The following LRRC1 variants were observed in gnomAD, a reference collection of about 807,000 sequenced individuals.
LRRC1 encodes the protein leucine rich repeat containing 1, also known as leucine-rich repeat-containing protein 1.
A neutral mutation model predicts 69.9 loss-of-function variants in LRRC1; 28 were observed. The observed-to-expected ratio is 0.40, with a 90% confidence interval of 0.30 to 0.55. LRRC1 has a LOEUF of 0.55. Among genes scored for constraint, LRRC1 ranks in the 20% least tolerant of loss-of-function variants. LRRC1 has a pLI of 0.47. For synonymous variants in LRRC1, 236 were observed against 240.2 expected (o/e 0.98, Z 0.16); for missense variants, 498 against 609.0 (o/e 0.82, Z 1.92).
At chr6:53,894,454 T>C (rs996870631) in intron 4 of LRRC1, among the ~76,000 whole-genome samples, 1 of 152,222 alleles carries the variant, frequency 6.6e-6, no homozygotes, top group Non-Finnish European at 1.5e-5. Context: ...ATGCTTTCAG[T>C]GATGCCCAGT....
chr6:53,870,374 A>G (rs1766842995), intron 2 of LRRC1, among the ~76,000 whole-genome samples: 2 of 152,176 alleles, frequency 1.3e-5, no homozygotes, highest in Admixed American at 1.3e-4. Flanking sequence ...TTTCGTTGAT[A>G]GAGTAGTAAG....
chr6:53,910,522 A>C (rs528315001), intron 10 of LRRC1, among the ~76,000 whole-genome samples: 1 of 152,318 alleles, frequency 6.6e-6, no homozygotes, highest in African/African-American at 2.4e-5. Context: ...TTCAGGAAAG[A>C]GACTGCCAGC....
intron 4 of LRRC1, among the ~76,000 whole-genome samples, chr6:53,894,709 T>G (rs1404944812): frequency 6.6e-6 from 1 of 152,220 alleles, no homozygotes; most frequent in Non-Finnish European, 1.5e-5. Context: ...TTTTTACTTT[T>G]CAAGTAAAAT....
Position 53,922,655 on chromosome 6 carries a change from C to G in LRRC1, c.1437C>G (p.Ala479=). ...TTTAGAGAACACTTCTAAGGCGAGC[C>G]ACTCCACACCCAGGGGAGTTAAAGC... ...DNETRTLLRR[A]TPHPGELKHM... The change falls in exon 14 of 14, where the codon GCC becomes GCG. Residue 479 remains alanine (A), a synonymous_variant. Coordinates refer to ENST00000370888, the MANE Select transcript of LRRC1 (RefSeq NM_018214.5). 1 of 1,613,774 alleles carries G rather than the reference C, an allele frequency of 6.2e-7. No individual in the cohort carries two copies. Among genetic ancestry groups the G allele is most frequent in the Non-Finnish European group, 8.5e-7 (1 of 1,179,796 alleles).
At chr6:53,897,454 G>A in intron 7 of LRRC1, 95 bp downstream of exon 7, 2 of 902,804 alleles carry the variant, frequency 2.2e-6, no homozygotes, top group Non-Finnish European at 3.4e-6. Flanking sequence ...GCTATAAAAG[G>A]ATCTTGAAAA....
chr6:53,798,400 C>T (rs570506253), intron 1 of LRRC1, among the ~76,000 whole-genome samples: 13 of 152,252 alleles, frequency 8.5e-5, no homozygotes, highest in South Asian at 4.1e-4. Flanking sequence ...TTTTTTGAGA[C>T]GGAGTCTCAC....
At chr6:53,805,882 T>C (rs913594752) in intron 1 of LRRC1, among the ~76,000 whole-genome samples, 1 of 152,254 alleles carries the variant, frequency 6.6e-6, no homozygotes, top group African/African-American at 2.4e-5. Flanking sequence ...GTGGCTTCCC[T>C]GCACCAGCAG....
chr6:53,916,453 A>G (rs1382683216), intron 11 of LRRC1, among the ~76,000 whole-genome samples: 2 of 152,188 alleles, frequency 1.3e-5, no homozygotes, highest in Non-Finnish European at 2.9e-5. Flanking sequence ...AAGAGACCCA[A>G]GATACTGAGT....
intron 1 of LRRC1, among the ~76,000 whole-genome samples, chr6:53,800,066 A>T (rs1051185218): frequency 1.3e-5 from 2 of 152,010 alleles, no homozygotes; most frequent in African/African-American, 4.8e-5. Flanking sequence ...CTGCCCCAAC[A>T]CTTGGAGACT....
At chr6:53,907,429 AT>A (rs1428964758) in intron 10 of LRRC1, among the ~76,000 whole-genome samples, 1 of 152,056 alleles carries the variant, frequency 6.6e-6, no homozygotes, top group African/African-American at 2.4e-5. Flanking sequence ...ATTTATTTGC[AT>A]TTTTTCCCCA....
chr6:53,795,428 C>A lies in LRRC1; in HGVS notation c.159+13C>A. ...CGAGCTGCCCGAGGTAAGGGTCCGG[C>A]CTCACCTGAGCGCTCTGCCCGCTCG... On this transcript the variant is annotated intron_variant, in intron 1 of 13. Transcript: ENST00000370888. 1.2e-6 allele frequency: 2 copies of A among 1,605,998 alleles called. No homozygotes were observed. The highest frequency in any genetic ancestry group is 1.7e-6 in the Non-Finnish European group (2 of 1,178,076).
At chr6:53,872,731 CTT>C (rs958496723) in intron 2 of LRRC1, among the ~76,000 whole-genome samples, 3 of 142,188 alleles carry the variant, frequency 2.1e-5, no homozygotes, top group Non-Finnish European at 4.6e-5. Flanking sequence ...AGTATAGACA[CTT>C]TTAACAATTT....
intron 1 of LRRC1, among the ~76,000 whole-genome samples, chr6:53,832,495 C>G (rs1051534272): frequency 6.6e-6 from 1 of 152,166 alleles, no homozygotes; most frequent in Non-Finnish European, 1.5e-5. Flanking sequence ...TAATGCTTTC[C>G]TGAGTACAAT....
intron 7 of LRRC1, 66 bp downstream of exon 7, chr6:53,897,425 C>T (rs1767912141): frequency 4.4e-6 from 5 of 1,143,040 alleles, no homozygotes; most frequent in Non-Finnish European, 6.5e-6. Flanking sequence ...TGTGTATTTC[C>T]TGCTGCCACA....
intron 1 of LRRC1, among the ~76,000 whole-genome samples, chr6:53,829,986 A>G (rs1326136677): frequency 6.6e-6 from 1 of 152,222 alleles, no homozygotes; most frequent in Non-Finnish European, 1.5e-5. Flanking sequence ...GTGCTGAACA[A>G]GGTACTCACT....
Position 53,842,278 on chromosome 6 carries a change from G to T in LRRC1, c.277+51G>T, listed in dbSNP as rs189804405. On this transcript the variant is annotated intron_variant, in intron 2 of 13. Transcript: ENST00000370888. ...CTATTTGTCTCTTCAGATGCTGGGG[G>T]TGTTTTTAGTAAATATAGCTACGAG... 100 of 1,273,982 alleles carry T rather than the reference G, an allele frequency of 7.8e-5. 1 individual carries two copies. The Middle Eastern group carries it at 1.5e-3, about 19-fold the overall frequency. 78.9% of individuals were successfully genotyped at this position (1,273,982 alleles called of 1,614,324 possible). A position where few individuals can be genotyped will look rare whatever the true frequency, so the allele number is the denominator to read the frequency against.
intron 2 of LRRC1, among the ~76,000 whole-genome samples, chr6:53,867,307 G>A (rs1197201822): frequency 1.3e-5 from 2 of 152,108 alleles, no homozygotes; most frequent in African/African-American, 2.4e-5. Flanking sequence ...GGGTGGTAAA[G>A]GGCCCTCTGA....
intron 11 of LRRC1, among the ~76,000 whole-genome samples, chr6:53,914,867 T>C (rs1768518049): frequency 2.0e-5 from 3 of 152,354 alleles, no homozygotes; most frequent in South Asian, 2.1e-4. Context: ...TGTTTTCATA[T>C]GGGTAACCCT....
At chr6:53,813,029 A>G (rs1012671663) in intron 1 of LRRC1, among the ~76,000 whole-genome samples, 8 of 151,844 alleles carry the variant, frequency 5.3e-5, no homozygotes, top group Non-Finnish European at 8.8e-5. Flanking sequence ...GAGTGGCTGG[A>G]TGAGAGGGTG....
Sources: allele counts gnomAD v4.1 joint callset (sites outside exome capture counted in the v4.1 genomes callset), GRCh38; gene constraint gnomAD v4.1.1; transcripts MANE v1.5; gene names NCBI Gene and HGNC (gene_info 2026-07-23, HGNC 2026-07-21).